Variants in CFAP58 observed in about 807,000 individuals in gnomAD.
CFAP58 encodes the protein cilia and flagella associated protein 58.
CFAP58 carries 88 observed loss-of-function variants against 119.5 expected under a neutral mutation model. The ratio of observed to expected loss-of-function variants is 0.74; its 90% CI spans 0.62 to 0.88. The LOEUF (loss-of-function observed/expected upper bound fraction) is 0.88, where lower values mean the gene tolerates loss of function less well. Ranked by LOEUF, CFAP58 falls within the 40% of genes least tolerant of loss-of-function variation. The probability of loss-of-function intolerance (pLI) is 0.00; values close to 1 mark genes in which losing one functional copy is unlikely to be tolerated. For synonymous variants in CFAP58, 365 were observed against 366.3 expected, an observed-to-expected ratio of 1.00 and a Z score of 0.04; for missense variants, 990 against 1,021.2, an observed-to-expected ratio of 0.97 and a Z score of 0.42.
rs563902612 is a variant in CFAP58, at chr10:104,380,799, G to A, written c.1365+579G>A. 4.6e-5 allele frequency among the ~76,000 whole-genome samples: 7 copies of A among 151,932 alleles called. No homozygotes were observed. In the South Asian group the frequency reaches 1.5e-3, roughly 32 times the overall value. On this transcript the variant is annotated intron_variant, in intron 9 of 17. Transcript: ENST00000369704. ...ATTGCTTGAGCCTGGGAGCTTACAA[G>A]CAGCCCAGGCAACATGTCGAGACCC...
intron 17 of CFAP58, among the ~76,000 whole-genome samples, chr10:104,451,158 C>T (rs1233006551): frequency 3.3e-5 from 5 of 152,152 alleles, no homozygotes. Context: ...TAGTGACTCA[C>T]GTTATGGGCT....
chr10:104,408,854 G>A (rs764275911), intron 15 of CFAP58, among the ~76,000 whole-genome samples: 5 of 152,004 alleles, frequency 3.3e-5, no homozygotes, highest in African/African-American at 7.3e-5. Flanking sequence ...ATCCCAGCGC[G>A]TTGGGAGGCC....
At chr10:104,423,489 G>C (rs1214033970) in intron 15 of CFAP58, among the ~76,000 whole-genome samples, 5 of 150,984 alleles carry the variant, frequency 3.3e-5, no homozygotes, top group African/African-American at 1.2e-4. Flanking sequence ...AGAATAATAT[G>C]TTTCTAGTAT....
rs149044666 is a variant in CFAP58, at chr10:104,364,760, A to C, written c.468A>C (p.Glu156Asp). 197 of 1,613,360 alleles carry C rather than the reference A, an allele frequency of 1.2e-4. No homozygotes were observed. In the African/African-American group the frequency reaches 2.4e-3, roughly 20 times the overall value. Residue 156 changes from glutamate (E) to aspartate (D), a missense_variant, in exon 4 of 18, where the codon GAA becomes GAC. Glu to Asp is a conservative substitution (Grantham distance 45). Transcript: ENST00000369704. ...SNIRDLLRFK[E>D]EVTKERDQLL... ...TCCGAGATTTACTGAGGTTCAAAGA[A>C]GAAGTGACAAAGGAGAGAGACCAGC...
chr10:104,361,866 A>C (rs2014670662), intron 2 of CFAP58, among the ~76,000 whole-genome samples, 157 bp from the exon 3 acceptor site: 1 of 152,156 alleles, frequency 6.6e-6, no homozygotes, highest in Non-Finnish European at 1.5e-5. Context: ...CTCCTCTTTC[A>C]GTGTGCTATT....
intron 15 of CFAP58, among the ~76,000 whole-genome samples, chr10:104,411,396 T>A (rs951668269): frequency 6.6e-6 from 1 of 152,220 alleles, no homozygotes; most frequent in Non-Finnish European, 1.5e-5. Context: ...CCCCAATTAA[T>A]TCAAAAATTT....
chr10:104,353,105 C>T (rs2014483928), upstream of CFAP58: 1 of 152,052 alleles, frequency 6.6e-6, no homozygotes, highest in Non-Finnish European at 1.5e-5. Context: ...ATAATTATTT[C>T]AACTATTTGT....
Position 104,403,784 on chromosome 10 carries a change from G to A in CFAP58, c.2095G>A (p.Ala699Thr). 1 of 1,612,294 alleles carries A rather than the reference G, an allele frequency of 6.2e-7. No individual in the cohort carries two copies. Among genetic ancestry groups the A allele is most frequent in the Non-Finnish European group, 8.5e-7 (1 of 1,179,100 alleles). Residue 699 changes from alanine to threonine, a missense_variant, in exon 14 of 18, where the codon GCC becomes ACC. By Grantham distance (58) the Ala-to-Thr change is moderately conservative. Coordinates refer to ENST00000369704, the MANE Select transcript of CFAP58 (RefSeq NM_001008723.2). ...ELLKERTRCR[A>T]LEEELENPLN... ...GTTGAAGGAGAGGACACGCTGCCGA[G>A]CCCTGGAGGAGGAGCTGGAGAATCC...
chr10:104,362,083 G>A lies in CFAP58; in HGVS notation c.352G>A (p.Glu118Lys), dbSNP rs2014674494. ...CTATGACAAAGAGCAGAAGGCCAAG[G>A]AGACGATTCTTGCTCTGAAAGAGGA... ...SAYDKEQKAK[E>K]TILALKEEIV... Residue 118 changes from glutamate (E) to lysine (K), a missense_variant, in exon 3 of 18, where the codon GAG becomes AAG. Physicochemically the swap from Glu to Lys is moderately conservative, Grantham distance 56 (BLOSUM62 1). Coordinates refer to ENST00000369704, the MANE Select transcript of CFAP58 (RefSeq NM_001008723.2). 1 of 1,614,130 alleles carries A rather than the reference G, an allele frequency of 6.2e-7. No individual in the cohort carries two copies. Among genetic ancestry groups the A allele is most frequent in the Non-Finnish European group, 8.5e-7 (1 of 1,179,996 alleles).
chr10:104,452,135 T>A lies in CFAP58; in HGVS notation c.2510+1931T>A, dbSNP rs553131418. On this transcript the variant is annotated intron_variant, in intron 17 of 17. Coordinates refer to ENST00000369704, the MANE Select transcript of CFAP58 (RefSeq NM_001008723.2). ...AGAATAGTTTTAGATTTACCTGCAA[T>A]GTATTTTAATTTATAAATTATATGC... 1.3e-3 allele frequency among the ~76,000 whole-genome samples: 203 copies of A among 152,258 alleles called. 1 individual carries two copies. The highest frequency in any genetic ancestry group is 2.4e-3 in the Non-Finnish European group (166 of 68,014).
At chr10:104,424,006 G>A (rs764884195) in intron 15 of CFAP58, among the ~76,000 whole-genome samples, 5 of 152,178 alleles carry the variant, frequency 3.3e-5, no homozygotes, top group Non-Finnish European at 5.9e-5. Context: ...GGAATTTATA[G>A]AATCGTTTAG....
intron 15 of CFAP58, among the ~76,000 whole-genome samples, chr10:104,435,716 C>T (rs1346528245): frequency 6.6e-6 from 1 of 152,182 alleles, no homozygotes; most frequent in Non-Finnish European, 1.5e-5. Flanking sequence ...TTGAACATTG[C>T]TTTTACTGCT....
In CFAP58 at chr10:104,428,259, C is replaced by T. The variant is rs116858630; in HGVS notation, c.2257-19439C>T. 6.3e-3 allele frequency among the ~76,000 whole-genome samples: 957 copies of T among 152,178 alleles called. 5 individuals carry two copies. The highest frequency in any genetic ancestry group is 9.2e-3 in the Non-Finnish European group (626 of 68,018). ...GAGGGAAGCATGCCCACAGGGAAGT[C>T]GCTCACCGGTGCCCTGTGAGAGTCC... On this transcript the variant is annotated intron_variant, in intron 15 of 17. Coordinates refer to ENST00000369704, the MANE Select transcript of CFAP58 (RefSeq NM_001008723.2).
At chr10:104,351,175 C>T (rs1364909955), upstream of CFAP58, among the ~76,000 whole-genome samples, 1 of 152,286 alleles carries the variant, frequency 6.6e-6, no homozygotes, top group East Asian at 1.9e-4. Context: ...TGTGGTTCAG[C>T]CTGCCTCTCC....
intron 6 of CFAP58, among the ~76,000 whole-genome samples, chr10:104,368,949 T>A (rs1256580754): frequency 6.6e-6 from 1 of 152,202 alleles, no homozygotes; most frequent in Non-Finnish European, 1.5e-5. Context: ...GGAGAGAGAC[T>A]GATACTACCT....
intron 15 of CFAP58, among the ~76,000 whole-genome samples, chr10:104,439,827 A>G (rs1183821809): frequency 1.3e-5 from 2 of 150,276 alleles, no homozygotes; most frequent in East Asian, 2.0e-4. Context: ...CTGATTTACT[A>G]TTTTTTTTTT....
chr10:104,368,306 G>A (rs2014777881), intron 5 of CFAP58, 117 bp from the exon 6 acceptor site: 2 of 876,430 alleles, frequency 2.3e-6, no homozygotes, highest in Admixed American at 2.9e-5. Flanking sequence ...TTTCTACAAA[G>A]ACAAAAACTC....
chr10:104,382,426 A>G, intron 9 of CFAP58: 6 of 497,346 alleles, frequency 1.2e-5, no homozygotes, highest in Non-Finnish European at 2.2e-5. Context: ...GTGCCATCAC[A>G]CCACCATCAG....
intron 15 of CFAP58, among the ~76,000 whole-genome samples, chr10:104,420,751 ATTT>A (rs66462966): frequency 8.2e-5 from 10 of 121,606 alleles, no homozygotes; most frequent in South Asian, 2.6e-4. Context: ...TTTATATTTG[ATTT>A]TTTTTTTTTT....
Sources: allele counts gnomAD v4.1 joint callset (sites outside exome capture counted in the v4.1 genomes callset), GRCh38; gene constraint gnomAD v4.1.1; transcripts MANE v1.5; gene names NCBI Gene and HGNC (gene_info 2026-07-23, HGNC 2026-07-21).